MDN1: variants seen among roughly 807,000 people sequenced by gnomAD.
The protein encoded by MDN1 is midasin AAA ATPase 1.
A neutral mutation model predicts 669.2 loss-of-function variants in MDN1; 266 were observed. That is an observed-to-expected ratio of 0.40 (90% CI 0.36 to 0.44). The LOEUF is 0.44. Ranked by LOEUF, MDN1 falls within the 20% of genes least tolerant of loss-of-function variation. The pLI, the probability that MDN1 is intolerant of heterozygous loss-of-function variation, is 1.00. For missense variants in MDN1, 5,940 were observed against 6,754.0 expected, an observed-to-expected ratio of 0.88 and a Z score of 4.22; for synonymous variants, 2,385 against 2,457.1, an observed-to-expected ratio of 0.97 and a Z score of 0.87.
At position 89,819,602 on chromosome 6, in the gene MDN1, C is replaced by A. The variant is rs750774061; in HGVS notation, c.6G>T (p.Glu2Asp). ...CGGCTGCCACCTCCAGCAAGAAGTG[C>A]TCCATGACCCAGGGCCCTCACCCCG... M[E>D]HFLLEVAAAP... The change falls in exon 1 of 102, where the codon GAG (glutamate) becomes GAT (aspartate). Residue 2 changes from glutamate (E) to aspartate (D), a missense_variant. Transcript: ENST00000369393. The A allele has an allele frequency of 2.5e-6, 4 of 1,601,052 alleles. No homozygotes were observed.
At position 89,758,294 on chromosome 6, in the gene MDN1, T is replaced by A; in HGVS notation, c.2663A>T (p.Asp888Val). Residue 888 changes from aspartate (D) to valine (V), a missense_variant, in exon 19 of 102, where the codon GAT (aspartate) becomes GTT (valine). Asp to Val is a radical substitution (Grantham distance 152). Coordinates refer to ENST00000369393, the MANE Select transcript of MDN1 (RefSeq NM_014611.3). ...RLFACMNPAT[D>V]VGKRNLPPGI... ...TGGTGGGAGATTTCTTTTGCCTACA[T>A]CAGTTGCTGGATTCATACAGGCAAA... 6.2e-7 allele frequency: 1 copy of A among 1,612,412 alleles called. No homozygotes were observed. Among genetic ancestry groups the A allele is most frequent in the Non-Finnish European group, 8.5e-7 (1 of 1,179,226 alleles).
At chr6:89,756,826 C>T (rs1242918323) in intron 19 of MDN1, among the ~76,000 whole-genome samples, 2 of 151,228 alleles carry the variant, frequency 1.3e-5, no homozygotes, top group Non-Finnish European at 2.9e-5. Flanking sequence ...GAGGCTGAGG[C>T]AGGAGAATGG....
intron 74 of MDN1, among the ~76,000 whole-genome samples, chr6:89,679,913 C>G (rs1428239184): frequency 6.6e-6 from 1 of 152,184 alleles, no homozygotes; most frequent in East Asian, 1.9e-4. Flanking sequence ...TCACCCCCAC[C>G]CCTAGGCCTG....
chr6:89,752,091 C>T (rs1041824479), intron 22 of MDN1, among the ~76,000 whole-genome samples: 5 of 151,992 alleles, frequency 3.3e-5, no homozygotes, highest in African/African-American at 9.7e-5. Flanking sequence ...TTATTAGTTT[C>T]GATTATACAA....
At chr6:89,760,200 G>C (rs904429900) in intron 17 of MDN1, among the ~76,000 whole-genome samples, 1 of 152,142 alleles carries the variant, frequency 6.6e-6, no homozygotes, top group Non-Finnish European at 1.5e-5. Flanking sequence ...CTTCATCTAA[G>C]GACTGTCACA....
intron 1 of MDN1, among the ~76,000 whole-genome samples, chr6:89,809,497 T>C (rs1362079727): frequency 6.6e-6 from 1 of 151,594 alleles, no homozygotes; most frequent in Admixed American, 6.6e-5. Context: ...CAGGCTTGGC[T>C]GGGTGCAGTG....
chr6:89,713,741 A>G (rs1169031717), intron 46 of MDN1, among the ~76,000 whole-genome samples: 1 of 152,188 alleles, frequency 6.6e-6, no homozygotes, highest in Non-Finnish European at 1.5e-5. Flanking sequence ...TATGCCTTGC[A>G]GAACTAATGT....
intron 75 of MDN1, 97 bp from the exon 76 acceptor site, chr6:89,677,793 G>C: frequency 6.6e-7 from 1 of 1,510,000 alleles, no homozygotes; most frequent in Non-Finnish European, 9.1e-7. Flanking sequence ...CTTCTAAACA[G>C]CATCACCTGA....
intron 34 of MDN1, among the ~76,000 whole-genome samples, chr6:89,732,132 A>G (rs2768936): frequency 0.14 from 22,032 of 152,126 alleles, 1,782 homozygotes; most frequent in South Asian, 0.29. Context: ...TCTCATGGCA[A>G]CTGGCCAAAA....
At chr6:89,692,240 T>C (rs1812420155) in intron 63 of MDN1, among the ~76,000 whole-genome samples, 1 of 152,322 alleles carries the variant, frequency 6.6e-6, no homozygotes, top group Non-Finnish European at 1.5e-5. Flanking sequence ...CTCTCATTTT[T>C]TTTTAATCTC....
Position 89,747,619 on chromosome 6 carries a change from T to C in MDN1, c.3763-149A>G, listed in dbSNP as rs148184363. 7,064 of 946,452 alleles carry C rather than the reference T, an allele frequency of 7.5e-3. 54 individuals carry two copies. The highest frequency in any genetic ancestry group is 0.049 in the Middle Eastern group (202 of 4,104). 58.6% of individuals were successfully genotyped at this position (946,452 alleles called of 1,614,324 possible). ...ATAAGATTAATTTTTTGGCCGGGCG[T>C]GGTGGCTCAAGCCTGTAATCCCAGC... is the stretch of plus-strand genomic sequence containing the variant. On this transcript the variant is annotated intron_variant, in intron 26 of 101. Coordinates refer to ENST00000369393, the MANE Select transcript of MDN1 (RefSeq NM_014611.3).
intron 38 of MDN1, among the ~76,000 whole-genome samples, chr6:89,724,099 C>T (rs1320374684): frequency 2.0e-5 from 3 of 151,580 alleles, no homozygotes; most frequent in East Asian, 1.9e-4. Flanking sequence ...GCCAAGATCA[C>T]GCCACTGCAC....
chr6:89,656,693 T>C lies in MDN1; in HGVS notation c.15285+7A>G, dbSNP rs757356396. 30 of 1,605,414 alleles carry C rather than the reference T, an allele frequency of 1.9e-5. No homozygotes were observed. The highest frequency in any genetic ancestry group is 1.7e-5 in the Admixed American group (1 of 59,462). ...TCACCTAAGTTTAGCTGAGGAGTGA[T>C]AGAAACCTGTGTGTTTTTCCTGGTG... On this transcript the variant is annotated splice_region_variant and intron_variant, in intron 91 of 101. Coordinates refer to ENST00000369393, the MANE Select transcript of MDN1 (RefSeq NM_014611.3).
At chr6:89,809,172 G>A (rs1285815015) in intron 1 of MDN1, among the ~76,000 whole-genome samples, 2 of 141,234 alleles carry the variant, frequency 1.4e-5, no homozygotes, top group South Asian at 2.2e-4. Context: ...AGCTGAGATC[G>A]TGCCCCTGCA....
At chr6:89,722,846 CAAA>C (rs34376900) in intron 40 of MDN1, 106 bp downstream of exon 40, 5,314 of 679,814 alleles carry the variant, frequency 7.8e-3, no homozygotes, top group South Asian at 0.014. Context: ...AACCCAGTCT[CAAA>C]AAAAAAAAAA....
intron 52 of MDN1, among the ~76,000 whole-genome samples, 162 bp from the exon 53 acceptor site, chr6:89,706,354 G>GTGT (rs1434642225): frequency 1.3e-5 from 2 of 152,134 alleles, no homozygotes; most frequent in African/African-American, 2.4e-5. Context: ...ACTACAGGTT[G>GTGT]AGTGTCTCTT....
At position 89,655,979 on chromosome 6, in the gene MDN1, C is replaced by T; in HGVS notation, c.15286-11G>A. The T allele has an allele frequency of 6.2e-7, 1 of 1,610,628 alleles. No individual in the cohort carries two copies. Among genetic ancestry groups the T allele is most frequent in the Non-Finnish European group, 8.5e-7 (1 of 1,178,320 alleles). ...TTTCCTCTTAAAACTCTGAGAAATA[C>T]AAGGAAATTCATCAGAGCCTTGCCT... On this transcript the variant is annotated splice_polypyrimidine_tract_variant and intron_variant, in intron 91 of 101. Transcript: ENST00000369393.
rs12110451 is a variant in MDN1 at position 89,772,678 on chromosome 6, T to A, written c.1978A>T (p.Ile660Phe). The A allele has an allele frequency of 5.6e-6, 9 of 1,613,828 alleles. No homozygotes were observed. The highest frequency in any genetic ancestry group is 5.9e-6 in the Non-Finnish European group (7 of 1,179,954). ...FAATRPSSVLIEQLAVCVSKG... is the reference protein window; with the variant it reads ...FAATRPSSVLFEQLAVCVSKG... ...CTGACACACACTGCAAGCTGCTCGA[T>A]GAGAACAGAGGACGGCCGTGTAGCA... is the stretch of plus-strand genomic sequence containing the variant. The change falls in exon 14 of 102, where the codon ATC (isoleucine) becomes TTC (phenylalanine). Residue 660 changes from isoleucine (I) to phenylalanine (F), a missense_variant. Ile to Phe is a conservative substitution (Grantham distance 21, BLOSUM62 0). Around this residue, in one of 5 missense-constraint regions of MDN1, gnomAD observed 1,203 missense variants for 1,268.9 expected, o/e 0.95. Transcript: ENST00000369393.
intron 2 of MDN1, among the ~76,000 whole-genome samples, chr6:89,799,023 G>A (rs984502437): frequency 6.6e-6 from 1 of 152,212 alleles, no homozygotes; most frequent in African/African-American, 2.4e-5. Flanking sequence ...AGTTCTTGGA[G>A]AGGAAGAAAA....
Sources: allele counts gnomAD v4.1 joint callset (sites outside exome capture counted in the v4.1 genomes callset), GRCh38; gene constraint gnomAD v4.1.1; regional missense constraint gnomAD v4.1.1; transcripts MANE v1.5; gene names NCBI Gene and HGNC (gene_info 2026-07-23, HGNC 2026-07-21).